The following PDE3B variants were observed in gnomAD, a reference collection of about 807,000 sequenced individuals.
PDE3B encodes the protein phosphodiesterase 3B.
In PDE3B, 66 loss-of-function variants were observed where a neutral mutation model predicts 116.8. The ratio of observed to expected loss-of-function variants is 0.56; its 90% CI spans 0.46 to 0.69. The LOEUF (loss-of-function observed/expected upper bound fraction) is 0.69. Ranked by LOEUF, PDE3B falls within the 30% of genes least tolerant of loss-of-function variation. The pLI is 0.00. For synonymous variants in PDE3B, 595 were observed against 533.6 expected, an observed-to-expected ratio of 1.12 and a Z score of -1.59; for missense variants, 1,384 against 1,368.1, an observed-to-expected ratio of 1.01 and a Z score of -0.18.
chr11:14,759,136 T>C (rs534503834), intron 1 of PDE3B, among the ~76,000 whole-genome samples: 1 of 152,146 alleles, frequency 6.6e-6, no homozygotes, highest in East Asian at 1.9e-4. Flanking sequence ...TCATGGTGGA[T>C]AAGCTTTTTG....
chr11:14,663,802 C>G (rs1208819707), intron 1 of PDE3B, among the ~76,000 whole-genome samples: 1 of 152,198 alleles, frequency 6.6e-6, no homozygotes, highest in African/African-American at 2.4e-5. Flanking sequence ...GAGACTTAGA[C>G]TCCCACACAA....
rs548256441 is a variant in PDE3B, at chr11:14,861,262, G to A, written c.2782G>A (p.Val928Ile). 1.2e-5 allele frequency: 19 copies of A among 1,613,278 alleles called. No individual in the cohort carries two copies. In the South Asian group the frequency reaches 2.0e-4, roughly 17 times the overall value. Reference protein sequence around the residue: ...EWSNENDRLLVCQVCIKLADI... With the variant: ...EWSNENDRLLICQVCIKLADI... ...GAGTAATGAAAATGATCGCCTCTTG[G>A]TATGCCAGGTGTGCATCAAACTGGC... The change falls in exon 14 of 16, where the codon GTA becomes ATA. Residue 928 changes from valine (V) to isoleucine (I), a missense_variant. Coordinates refer to ENST00000282096, the MANE Select transcript of PDE3B (RefSeq NM_000922.4).
rs537358836 is a variant in PDE3B at position 14,726,186 on chromosome 11, C to G, written c.979-45751C>G. Among the ~76,000 whole-genome samples, 273 of 152,336 alleles carry G rather than the reference C, an allele frequency of 1.8e-3. 3 individuals carry two copies. The highest frequency in any genetic ancestry group is 6.0e-3 in the African/African-American group (250 of 41,576). On this transcript the variant is annotated intron_variant, in intron 1 of 15. Transcript: ENST00000282096. Reference sequence around the variant, plus strand: ...TTATGAAAGAGGTTTTCCCTGACCACCCTATATAAATAAGCCTTCTTTGAC... The same window carrying G: ...TTATGAAAGAGGTTTTCCCTGACCAGCCTATATAAATAAGCCTTCTTTGAC...
At chr11:14,856,083 T>G (rs1168689680) in intron 12 of PDE3B, among the ~76,000 whole-genome samples, 1 of 152,196 alleles carries the variant, frequency 6.6e-6, no homozygotes, top group Non-Finnish European at 1.5e-5. Context: ...GATTAGACCA[T>G]GGGGGCAGGT....
intron 1 of PDE3B, among the ~76,000 whole-genome samples, chr11:14,659,692 C>T (rs1405301494): frequency 6.6e-6 from 1 of 152,128 alleles, no homozygotes; most frequent in African/African-American, 2.4e-5. Context: ...CTGTTCCTCC[C>T]TACGTGGTCA....
the PDE3B span, among the ~76,000 whole-genome samples, chr11:14,883,407 G>A: frequency 1.1e-3 from 161 of 152,190 alleles, no homozygotes; most frequent in African/African-American, 3.3e-3. Context: ...GATCTTTGAC[G>A]AACCTGAGAA....
chr11:14,690,538 A>T (rs1465232658), intron 1 of PDE3B, among the ~76,000 whole-genome samples: 1 of 151,222 alleles, frequency 6.6e-6, no homozygotes, highest in East Asian at 1.9e-4. Flanking sequence ...TGTGATGTTT[A>T]TGATGCTGTG....
intron 1 of PDE3B, among the ~76,000 whole-genome samples, chr11:14,681,571 G>T (rs535550376): frequency 5.9e-5 from 9 of 152,258 alleles, no homozygotes; most frequent in African/African-American, 2.2e-4. Context: ...TTTATTAGCA[G>T]CGTGAGAACA....
At chr11:14,742,171 T>C (rs1475315671) in intron 1 of PDE3B, among the ~76,000 whole-genome samples, 1 of 152,228 alleles carries the variant, frequency 6.6e-6, no homozygotes, top group Non-Finnish European at 1.5e-5. Flanking sequence ...CTGGATAATA[T>C]CCTGAAGAGT....
chr11:14,858,879 T>C (rs1847896351), intron 12 of PDE3B, among the ~76,000 whole-genome samples, 164 bp from the exon 13 acceptor site: 1 of 152,214 alleles, frequency 6.6e-6, no homozygotes, highest in Non-Finnish European at 1.5e-5. Flanking sequence ...AGTCTACTCA[T>C]TTATAAAATT....
Position 14,861,296 on chromosome 11 carries a change from A to G in PDE3B, c.2816A>G (p.Asn939Ser). ...CQVCIKLADINGPAKVRDLHL... is the reference protein window; with the variant it reads ...CQVCIKLADISGPAKVRDLHL... ...GTGTGCATCAAACTGGCAGATATAA[A>G]TGGCCCAGCAAAAGTTCGAGACTTG... The change falls in exon 14 of 16, where the codon AAT becomes AGT. Residue 939 changes from asparagine to serine, a missense_variant. By Grantham distance (46) the Asn-to-Ser change is conservative (BLOSUM62 1). Around this residue, in one of 2 missense-constraint regions of PDE3B, gnomAD observed 428 missense variants for 561.4 expected, o/e 0.76. Transcript: ENST00000282096. 1 of 1,613,894 alleles carries G rather than the reference A, an allele frequency of 6.2e-7. No individual in the cohort carries two copies. Among genetic ancestry groups the G allele is most frequent in the Non-Finnish European group, 8.5e-7 (1 of 1,179,822 alleles).
At chr11:14,737,601 ATAG>A (rs201306830) in intron 1 of PDE3B, among the ~76,000 whole-genome samples, 3,162 of 152,304 alleles carry the variant, frequency 0.021, 111 homozygotes, top group African/African-American at 0.072. Context: ...TGAAATTTGC[ATAG>A]CCTAAAATTA....
intron 5 of PDE3B, among the ~76,000 whole-genome samples, chr11:14,812,192 C>T (rs1365590687): frequency 6.6e-6 from 1 of 152,096 alleles, no homozygotes; most frequent in African/African-American, 2.4e-5. Context: ...GTGATAGTTG[C>T]ACAACTCTGT....
intron 2 of PDE3B, among the ~76,000 whole-genome samples, chr11:14,784,327 TATTTGATGATTGCAACAAAAA>T (rs1252793938): frequency 6.6e-5 from 10 of 152,216 alleles, no homozygotes; most frequent in African/African-American, 1.9e-4. Context: ...TCATGAATCA[TATTTGATGATTGCAACAAAAA>T]TTATAACATC....
chr11:14,733,142 G>C (rs1289441186), intron 1 of PDE3B, among the ~76,000 whole-genome samples: 1 of 152,072 alleles, frequency 6.6e-6, no homozygotes. Flanking sequence ...TAAGATGCTT[G>C]AACATTTTGA....
At chr11:14,898,797 A>T in the PDE3B span, among the ~76,000 whole-genome samples, 1 of 152,070 alleles carries the variant, frequency 6.6e-6, no homozygotes, top group South Asian at 2.1e-4. Context: ...ATCTAATACC[A>T]TTCAACCTGA....
intron 2 of PDE3B, among the ~76,000 whole-genome samples, chr11:14,778,949 T>G (rs10047458): frequency 0.35 from 53,921 of 151,918 alleles, 10,939 homozygotes; most frequent in South Asian, 0.46. Context: ...AATGGCTAAC[T>G]AAAATAAACA....
chr11:14,866,185 T>C (rs1848042472), intron 14 of PDE3B, among the ~76,000 whole-genome samples: 1 of 152,208 alleles, frequency 6.6e-6, no homozygotes, highest in Non-Finnish European at 1.5e-5. Flanking sequence ...ATGTTAACTA[T>C]TATAATTTCA....
intron 1 of PDE3B, among the ~76,000 whole-genome samples, chr11:14,665,987 C>G (rs1854129261): frequency 6.6e-6 from 1 of 152,146 alleles, no homozygotes; most frequent in Non-Finnish European, 1.5e-5. Flanking sequence ...CAATCCAACA[C>G]CAAAAGAACA....
Sources: allele counts gnomAD v4.1 joint callset (sites outside exome capture counted in the v4.1 genomes callset), GRCh38; gene constraint gnomAD v4.1.1; regional missense constraint gnomAD v4.1.1; transcripts MANE v1.5; gene names NCBI Gene and HGNC (gene_info 2026-07-23, HGNC 2026-07-21).